Variants in TFAP2D observed in about 807,000 individuals in gnomAD.
TFAP2D encodes the protein transcription factor AP-2 delta.
TFAP2D carries 9 observed loss-of-function variants against 43.6 expected under a neutral mutation model. The ratio of observed to expected loss-of-function variants is 0.21; its 90% CI spans 0.12 to 0.36. TFAP2D has a LOEUF of 0.36. TFAP2D is among the 10% of genes least tolerant of loss of function. The pLI is 1.00. For synonymous variants in TFAP2D, 256 were observed against 224.9 expected (o/e 1.14, Z -1.24); for missense variants, 513 against 561.4 (o/e 0.91, Z 0.87).
intron 7 of TFAP2D, among the ~76,000 whole-genome samples, chr6:50,764,065 A>G (rs1381562151): frequency 6.6e-6 from 1 of 152,174 alleles, no homozygotes; most frequent in Non-Finnish European, 1.5e-5. Context: ...AATAACCCAG[A>G]GTTTCTAAAA....
intron 5 of TFAP2D, among the ~76,000 whole-genome samples, chr6:50,743,390 G>A (rs1769081367): frequency 6.6e-6 from 1 of 151,786 alleles, no homozygotes; most frequent in South Asian, 2.1e-4. Context: ...GTTTTGTTTT[G>A]TTTTGTTTGG....
chr6:50,714,197 A>T, intron 1 of TFAP2D, 103 bp downstream of exon 1: 6 of 1,191,236 alleles, frequency 5.0e-6, no homozygotes, highest in Non-Finnish European at 1.2e-6. Flanking sequence ...CCTGTCTCTA[A>T]TCTATATTGG....
intron 7 of TFAP2D, among the ~76,000 whole-genome samples, chr6:50,768,903 C>CT (rs34182627): frequency 0.035 from 4,437 of 127,820 alleles, 287 homozygotes; most frequent in African/African-American, 0.11. Flanking sequence ...AACGAAGTGG[C>CT]TTTTTTTTTT....
intron 2 of TFAP2D, among the ~76,000 whole-genome samples, chr6:50,716,015 A>G (rs1768622069): frequency 6.6e-6 from 1 of 152,074 alleles, no homozygotes; most frequent in South Asian, 2.1e-4. Flanking sequence ...AAGATCCAAT[A>G]AATTGATGAC....
Position 50,715,743 on chromosome 6 carries a change from T to TCACA in TFAP2D, c.537+131_537+132insACAC, listed in dbSNP as rs1327376048. On this transcript the variant is annotated intron_variant, in intron 2 of 7. Coordinates refer to ENST00000008391, the MANE Select transcript of TFAP2D (RefSeq NM_172238.4). The stretch of plus-strand genomic sequence containing the variant: ...TCTCCTCTCTCTCTCTCTCTCTCTC[T>TCACA]CTCTCTCACACACACACACACACAC... The TCACA allele has an allele frequency of 1.8e-3, 1,214 of 675,682 alleles. 8 individuals are homozygous for TCACA. In the African/African-American group the frequency reaches 0.022, roughly 12 times the overall value. The allele number at this position is 675,682 out of a possible 1,614,324, so 41.9% of individuals were successfully genotyped here. A position where few individuals can be genotyped will look rare whatever the true frequency, so the allele number is the denominator to read the frequency against.
intron 6 of TFAP2D, among the ~76,000 whole-genome samples, 162 bp downstream of exon 6, chr6:50,745,410 G>T (rs1017306112): frequency 7.2e-5 from 11 of 152,064 alleles, no homozygotes; most frequent in African/African-American, 2.7e-4. Flanking sequence ...TCTACCCTTT[G>T]GTGCCCAGGC....
intron 3 of TFAP2D, among the ~76,000 whole-genome samples, chr6:50,719,500 A>AGAAAGAAG (rs1491092535): frequency 8.2e-6 from 1 of 122,452 alleles, no homozygotes; most frequent in Non-Finnish European, 1.9e-5. Flanking sequence ...AAAGAAAGAA[A>AGAAAGAAG]GAAGTTTCTC....
chr6:50,723,853 A>G (rs1331201254), intron 3 of TFAP2D, among the ~76,000 whole-genome samples: 1 of 152,042 alleles, frequency 6.6e-6, no homozygotes, highest in Non-Finnish European at 1.5e-5. Flanking sequence ...ACACACCCTA[A>G]TATACACCAT....
chr6:50,772,692 G>A lies in TFAP2D; in HGVS notation c.1187G>A (p.Ser396Asn), dbSNP rs2113898164. 4.3e-6 allele frequency: 7 copies of A among 1,614,072 alleles called. No homozygotes were observed. Among genetic ancestry groups the A allele is most frequent in the Non-Finnish European group, 5.9e-6 (7 of 1,180,008 alleles). ...FGTPAICAAL[S>N]TFQTVLSEML... ...ACTCCGGCAATATGTGCAGCTCTAA[G>A]CACTTTCCAAACAGTTCTCAGTGAA... The change falls in exon 8 of 8, where the codon AGC (serine) becomes AAC (asparagine). Residue 396 changes from serine (S) to asparagine (N), a missense_variant. By Grantham distance (46) the Ser-to-Asn change is conservative (BLOSUM62 1). Around this residue, in one of 3 missense-constraint regions of TFAP2D, gnomAD observed 199 missense variants for 227.9 expected, o/e 0.87. Transcript: ENST00000008391.
At chr6:50,755,426 C>G (rs574573437) in intron 7 of TFAP2D, among the ~76,000 whole-genome samples, 1 of 105,108 alleles carries the variant, frequency 9.5e-6, no homozygotes, top group Non-Finnish European at 1.9e-5. Flanking sequence ...GCTCTTGAAA[C>G]TGTAAAAAAA....
intron 7 of TFAP2D, among the ~76,000 whole-genome samples, chr6:50,768,398 A>G (rs911551739): frequency 2.0e-5 from 3 of 146,880 alleles, no homozygotes; most frequent in Non-Finnish European, 4.5e-5. Context: ...CAATGGTGCA[A>G]TCGTAGCTCT....
chr6:50,730,048 T>C (rs1377355678), intron 5 of TFAP2D, among the ~76,000 whole-genome samples: 1 of 152,062 alleles, frequency 6.6e-6, no homozygotes, highest in Non-Finnish European at 1.5e-5. Flanking sequence ...CAAAGGAAAG[T>C]TTTTTCATCA....
At chr6:50,768,252 A>T (rs1769471876) in intron 7 of TFAP2D, among the ~76,000 whole-genome samples, 1 of 146,782 alleles carries the variant, frequency 6.8e-6, no homozygotes, top group Non-Finnish European at 1.5e-5. Flanking sequence ...ATCAAAAGTC[A>T]GACCTTCTAT....
At chr6:50,754,244 C>A (rs1398364194) in intron 7 of TFAP2D, among the ~76,000 whole-genome samples, 1 of 151,842 alleles carries the variant, frequency 6.6e-6, no homozygotes, top group African/African-American at 2.4e-5. Flanking sequence ...TTGTAACTGG[C>A]TTATTTCACT....
intron 7 of TFAP2D, among the ~76,000 whole-genome samples, chr6:50,761,795 T>C (rs1160264663): frequency 3.9e-5 from 6 of 152,076 alleles, no homozygotes; most frequent in Non-Finnish European, 8.8e-5. Flanking sequence ...TTACTTAGAT[T>C]AGAGAAAGTA....
chr6:50,714,155 T>TGGCGGCGGC, intron 1 of TFAP2D, 61 bp downstream of exon 1: 1 of 1,508,180 alleles, frequency 6.6e-7, no homozygotes, highest in South Asian at 1.2e-5. Flanking sequence ...GCGGCGGCGG[T>TGGCGGCGGC]GGCGGCGGTG....
chr6:50,767,943 A>T (rs559854178), intron 7 of TFAP2D, among the ~76,000 whole-genome samples: 2 of 152,208 alleles, frequency 1.3e-5, no homozygotes, highest in African/African-American at 4.8e-5. Flanking sequence ...CCAGGGCCTC[A>T]TTGAGGATAG....
chr6:50,730,492 C>T (rs2114039307), intron 5 of TFAP2D, among the ~76,000 whole-genome samples: 1 of 151,714 alleles, frequency 6.6e-6, no homozygotes, highest in African/African-American at 2.4e-5. Context: ...CATACACCCA[C>T]ATTGGGGAAG....
intron 3 of TFAP2D, among the ~76,000 whole-genome samples, chr6:50,724,700 A>G (rs1247603031): frequency 2.0e-5 from 3 of 152,026 alleles, no homozygotes; most frequent in Non-Finnish European, 2.9e-5. Flanking sequence ...ATGAGAAGAG[A>G]AAAAGCTCAC....
Sources: gnomAD v4.1 joint callset for allele counts (sites outside exome capture counted in the v4.1 genomes callset) on GRCh38, gnomAD v4.1.1 for gene constraint, gnomAD v4.1.1 regional missense constraint, MANE v1.5 for transcripts, NCBI Gene and HGNC (gene_info 2026-07-23, HGNC 2026-07-21) for gene names.